Variants in ERGIC1 observed in about 807,000 individuals in gnomAD.
ERGIC1 encodes the protein endoplasmic reticulum-golgi intermediate compartment 1, also known as endoplasmic reticulum-Golgi intermediate compartment protein 1.
ERGIC1 carries 19 observed loss-of-function variants against 38.3 expected under a neutral mutation model. That is an observed-to-expected ratio of 0.50 (90% CI 0.35 to 0.73). The LOEUF is 0.73. Among genes scored for constraint, ERGIC1 ranks in the 30% least tolerant of loss-of-function variants. The pLI, the probability that ERGIC1 is intolerant of heterozygous loss-of-function variation, is 0.01. For missense variants in ERGIC1, 294 were observed against 389.2 expected (o/e 0.76, Z 2.06); for synonymous variants, 124 against 157.6 (o/e 0.79, Z 1.60).
At chr5:172,843,781 A>C (rs1403554862) in intron 1 of ERGIC1, among the ~76,000 whole-genome samples, 7 of 152,118 alleles carry the variant, frequency 4.6e-5, no homozygotes, top group African/African-American at 1.7e-4. Flanking sequence ...TCTGGATTGA[A>C]ATCCCTTCCT....
intron 1 of ERGIC1, among the ~76,000 whole-genome samples, chr5:172,879,949 G>A (rs1025895574): frequency 8.5e-5 from 13 of 152,310 alleles, no homozygotes; most frequent in African/African-American, 2.9e-4. Context: ...AATGTCCACT[G>A]AGAGGCAAAA....
At chr5:172,883,671 C>T (rs1762339346) in intron 1 of ERGIC1, among the ~76,000 whole-genome samples, 1 of 152,216 alleles carries the variant, frequency 6.6e-6, no homozygotes, top group Non-Finnish European at 1.5e-5. Flanking sequence ...CCGGTGCCCA[C>T]TGTCTTCACC....
At chr5:172,907,146 G>A (rs1196730070) in intron 3 of ERGIC1, among the ~76,000 whole-genome samples, 1 of 152,048 alleles carries the variant, frequency 6.6e-6, no homozygotes, top group Non-Finnish European at 1.5e-5. Flanking sequence ...CCAAGGCGCC[G>A]CCATCCCCTG....
chr5:172,915,899 C>A (rs111606826), intron 5 of ERGIC1: 1 of 288,564 alleles, frequency 3.5e-6, no homozygotes. Context: ...CTGGCCACAT[C>A]CAGCCCAAAG....
intron 3 of ERGIC1, 140 bp from the exon 4 acceptor site, chr5:172,909,527 C>T: frequency 1.4e-6 from 1 of 725,566 alleles, no homozygotes; most frequent in Non-Finnish European, 2.4e-6. Context: ...CCTGAGGGCA[C>T]AGGAGGTGCA....
chr5:172,945,089 T>G (rs1287391943), intron 9 of ERGIC1, among the ~76,000 whole-genome samples: 1 of 152,248 alleles, frequency 6.6e-6, no homozygotes. Context: ...CAGTTGTGTC[T>G]GCTATCTTCT....
At chr5:172,866,471 C>G (rs1490153751) in intron 1 of ERGIC1, among the ~76,000 whole-genome samples, 1 of 152,214 alleles carries the variant, frequency 6.6e-6, no homozygotes, top group Non-Finnish European at 1.5e-5. Context: ...GAAGGAGCTT[C>G]TCCTTTGGGA....
At chr5:172,838,292 G>A (rs1761081130) in intron 1 of ERGIC1, among the ~76,000 whole-genome samples, 1 of 152,208 alleles carries the variant, frequency 6.6e-6, no homozygotes, top group Non-Finnish European at 1.5e-5. Context: ...TGTTGAAAAA[G>A]TATTAAGAAT....
Position 172,867,560 on chromosome 5 carries a change from G to T in ERGIC1, c.21-21139G>T, listed in dbSNP as rs1481200767. On this transcript the variant is annotated intron_variant, in intron 1 of 9. Coordinates refer to ENST00000393784, the MANE Select transcript of ERGIC1 (RefSeq NM_001031711.3). Reference sequence around the variant, plus strand: ...AGGCAGGCCTTGGCTCACTGCAGAGGTGTTACTCCACCCCCGAGTCCTAGC... The same window carrying T: ...AGGCAGGCCTTGGCTCACTGCAGAGTTGTTACTCCACCCCCGAGTCCTAGC... 5 of 438,838 alleles carry T rather than the reference G, an allele frequency of 1.1e-5. No homozygotes were observed. The Admixed American group carries it at 1.2e-4, about 11-fold the overall frequency. 27.2% of individuals were successfully genotyped at this position (438,838 alleles called of 1,614,324 possible).
At chr5:172,934,160 C>T (rs746016152) in intron 8 of ERGIC1, 4 of 152,322 alleles carry the variant, frequency 2.6e-5, no homozygotes, top group Admixed American at 1.3e-4. Context: ...GCAGCAGCGA[C>T]CCAGCGGGAG....
chr5:172,844,294 C>T (rs540391856), intron 1 of ERGIC1, among the ~76,000 whole-genome samples: 1 of 152,348 alleles, frequency 6.6e-6, no homozygotes, highest in East Asian at 1.9e-4. Context: ...ACCTGGAGCG[C>T]GAGGCCCTGT....
chr5:172,917,315 G>A lies in ERGIC1; in HGVS notation c.375+2477G>A, dbSNP rs184238717. 505 of 152,546 alleles carry A rather than the reference G, an allele frequency of 3.3e-3. 3 individuals are homozygous for A. Among genetic ancestry groups the A allele is most frequent in the Non-Finnish European group, 3.7e-3 (251 of 68,284 alleles). The allele number at this position is 152,546 out of a possible 1,614,324, so 9.4% of individuals were successfully genotyped here. On this transcript the variant is annotated intron_variant, in intron 5 of 9. Coordinates refer to ENST00000393784, the MANE Select transcript of ERGIC1 (RefSeq NM_001031711.3). The stretch of plus-strand genomic sequence containing the variant: ...GGGAGAGGTGAAATTGGAAGTTGGA[G>A]GTGTGGAGAGTTCAGGAGAGGGTTC...
At chr5:172,870,710 CA>C (rs1761982290) in intron 1 of ERGIC1, among the ~76,000 whole-genome samples, 1 of 152,220 alleles carries the variant, frequency 6.6e-6, no homozygotes, top group Non-Finnish European at 1.5e-5. Flanking sequence ...GGAAATTTAG[CA>C]GGGGGAGCGG....
intron 2 of ERGIC1, among the ~76,000 whole-genome samples, chr5:172,890,120 A>G (rs1235389676): frequency 1.3e-5 from 2 of 152,220 alleles, no homozygotes; most frequent in Admixed American, 6.5e-5. Flanking sequence ...TGGCATGACC[A>G]GTGATAAGCC....
chr5:172,871,757 C>T (rs1298582141), intron 1 of ERGIC1, among the ~76,000 whole-genome samples: 2 of 152,116 alleles, frequency 1.3e-5, no homozygotes, highest in Non-Finnish European at 1.5e-5. Flanking sequence ...AGAATGTTGG[C>T]GGGCAGTGGG....
intron 9 of ERGIC1, among the ~76,000 whole-genome samples, chr5:172,939,271 T>A (rs941075287): frequency 2.0e-5 from 3 of 152,078 alleles, no homozygotes; most frequent in Non-Finnish European, 4.4e-5. Flanking sequence ...CCGGCTCTAG[T>A]GGAGATGTGC....
intron 2 of ERGIC1, among the ~76,000 whole-genome samples, chr5:172,893,909 G>GTATATATATATACACACATATATA (rs1762640500): frequency 4.4e-5 from 1 of 22,500 alleles, no homozygotes; most frequent in Non-Finnish European, 9.3e-5. Context: ...ATATATATGT[G>GTATATATATATACACACATATATA]TGTGTGTGTG....
intron 1 of ERGIC1, among the ~76,000 whole-genome samples, chr5:172,879,481 CAT>C (rs1412785583): frequency 6.6e-6 from 1 of 152,240 alleles, no homozygotes. Context: ...TTTTGATTAA[CAT>C]AGTGACACTT....
At chr5:172,852,825 C>T (rs1157296337) in intron 1 of ERGIC1, among the ~76,000 whole-genome samples, 1 of 152,258 alleles carries the variant, frequency 6.6e-6, no homozygotes, top group African/African-American at 2.4e-5. Flanking sequence ...GCGACGTGCT[C>T]AGCACATGTG....
Sources: allele counts gnomAD v4.1 joint callset (sites outside exome capture counted in the v4.1 genomes callset), GRCh38; gene constraint gnomAD v4.1.1; transcripts MANE v1.5; gene names NCBI Gene and HGNC (gene_info 2026-07-23, HGNC 2026-07-21).